The following SLC39A11 variants were observed in gnomAD, a reference collection of about 807,000 sequenced individuals.
The protein encoded by SLC39A11 is solute carrier family 39 member 11.
In SLC39A11, 33 loss-of-function variants were observed where a neutral mutation model predicts 36.1. That is an observed-to-expected ratio of 0.91 (90% CI 0.69 to 1.22). The LOEUF is 1.22. Among genes scored for constraint, SLC39A11 ranks in the 50% most tolerant of loss-of-function variants. SLC39A11 has a pLI of 0.00. For missense variants in SLC39A11, 432 were observed against 430.3 expected (o/e 1.00, Z -0.03); for synonymous variants, 166 against 170.3 (o/e 0.97, Z 0.20).
chr17:72,888,228 A>AT (rs1428515437), intron 5 of SLC39A11, among the ~76,000 whole-genome samples: 2 of 152,216 alleles, frequency 1.3e-5, no homozygotes, highest in African/African-American at 4.8e-5. Context: ...TTTGTTCCAC[A>AT]TTTTAAGCTC....
chr17:72,768,169 T>C (rs886150327), intron 6 of SLC39A11, among the ~76,000 whole-genome samples: 3 of 152,180 alleles, frequency 2.0e-5, no homozygotes, highest in Non-Finnish European at 4.4e-5. Flanking sequence ...CAATCTGCAA[T>C]AGTGGTGTTA....
At chr17:72,788,956 A>G (rs1201055961) in intron 6 of SLC39A11, among the ~76,000 whole-genome samples, 3 of 152,174 alleles carry the variant, frequency 2.0e-5, no homozygotes, top group Non-Finnish European at 4.4e-5. Context: ...TTTTGTCTGC[A>G]TGAATGTTAT....
intron 5 of SLC39A11, among the ~76,000 whole-genome samples, chr17:72,850,324 T>C (rs2079248156): frequency 6.6e-6 from 1 of 151,178 alleles, no homozygotes; most frequent in Non-Finnish European, 1.5e-5. Flanking sequence ...CGTGGTGGTA[T>C]GCACCTGCAG....
intron 6 of SLC39A11, chr17:72,818,895 T>A (rs2077671806): frequency 6.6e-6 from 1 of 152,242 alleles, no homozygotes; most frequent in Non-Finnish European, 1.5e-5. Context: ...AGAAAGCTAC[T>A]ACATTCTACA....
intron 5 of SLC39A11, among the ~76,000 whole-genome samples, chr17:72,889,832 T>C (rs1223875406): frequency 6.6e-6 from 1 of 152,148 alleles, no homozygotes; most frequent in Non-Finnish European, 1.5e-5. Flanking sequence ...GGAGTATTAG[T>C]GATTTGCACT....
At chr17:72,744,444 T>C (rs1031249731) in intron 6 of SLC39A11, among the ~76,000 whole-genome samples, 3 of 152,242 alleles carry the variant, frequency 2.0e-5, no homozygotes, top group Admixed American at 6.5e-5. Flanking sequence ...AATTAAACTC[T>C]TATATTAATA....
intron 5 of SLC39A11, among the ~76,000 whole-genome samples, chr17:72,922,961 A>C (rs111747717): frequency 0.019 from 792 of 40,618 alleles, 21 homozygotes; most frequent in African/African-American, 0.079. Context: ...ACTCCTTCTC[A>C]AAAAAAAAAA....
chr17:72,837,624 A>C (rs905571148), intron 6 of SLC39A11, among the ~76,000 whole-genome samples: 3 of 152,222 alleles, frequency 2.0e-5, no homozygotes, highest in Non-Finnish European at 4.4e-5. Context: ...ACACCCAAAA[A>C]AGTAAAAACA....
At chr17:72,855,390 C>T (rs2079584301) in intron 5 of SLC39A11, among the ~76,000 whole-genome samples, 1 of 152,080 alleles carries the variant, frequency 6.6e-6, no homozygotes, top group African/African-American at 2.4e-5. Context: ...AGAACACTAG[C>T]CAAGAGAGCT....
chr17:72,840,712 G>A (rs906212157), intron 6 of SLC39A11, among the ~76,000 whole-genome samples: 16 of 151,822 alleles, frequency 1.1e-4, no homozygotes, highest in Admixed American at 2.0e-4. Flanking sequence ...AGCTGAGATC[G>A]CGCCACTGCA....
chr17:72,756,309 G>A (rs984760846), intron 6 of SLC39A11, among the ~76,000 whole-genome samples: 1 of 152,192 alleles, frequency 6.6e-6, no homozygotes, highest in African/African-American at 2.4e-5. Context: ...TGAAAGCAGG[G>A]TCTCAAAGAG....
At chr17:72,718,849 T>C (rs1351765246) in intron 7 of SLC39A11, among the ~76,000 whole-genome samples, 1 of 152,134 alleles carries the variant, frequency 6.6e-6, no homozygotes, top group Non-Finnish European at 1.5e-5. Flanking sequence ...AAGTAAGTCT[T>C]GAACTCCTGG....
At position 72,923,674 on chromosome 17, in the gene SLC39A11, T is replaced by C. The variant is rs113286062; in HGVS notation, c.430+24078A>G. Among the ~76,000 whole-genome samples, 849 of 152,242 alleles carry C rather than the reference T, an allele frequency of 5.6e-3. 8 individuals are homozygous for C. Among genetic ancestry groups the C allele is most frequent in the African/African-American group, 0.019 (782 of 41,550 alleles). On this transcript the variant is annotated intron_variant, in intron 5 of 9. Transcript: ENST00000255559. ...GGTGACAAGGTCGCAAAACAGAACA[T>C]TGCTAGGGGGATTTGGTTACTATTA...
chr17:72,699,293 G>A (rs2072492084), intron 7 of SLC39A11, among the ~76,000 whole-genome samples: 1 of 152,242 alleles, frequency 6.6e-6, no homozygotes, highest in South Asian at 2.1e-4. Context: ...ATTTTGCAAA[G>A]AAATCTCATA....
intron 5 of SLC39A11, among the ~76,000 whole-genome samples, chr17:72,893,438 C>T (rs993818199): frequency 1.4e-4 from 21 of 151,412 alleles, no homozygotes; most frequent in Admixed American, 4.6e-4. Flanking sequence ...CCAGCCTGGG[C>T]GACACAGCAA....
intron 6 of SLC39A11, among the ~76,000 whole-genome samples, chr17:72,791,664 G>A (rs929223774): frequency 1.3e-5 from 2 of 152,254 alleles, no homozygotes; most frequent in Middle Eastern, 3.4e-3. Context: ...ATCTTGAATT[G>A]TAATCCCCAT....
chr17:72,855,600 C>T (rs1020901327), intron 5 of SLC39A11, among the ~76,000 whole-genome samples: 1 of 151,850 alleles, frequency 6.6e-6, no homozygotes, highest in Non-Finnish European at 1.5e-5. Flanking sequence ...AAAGGCCAAT[C>T]AAAAGCAGAA....
chr17:72,717,591 G>C (rs180676295), intron 7 of SLC39A11, among the ~76,000 whole-genome samples: 2 of 152,336 alleles, frequency 1.3e-5, no homozygotes, highest in Non-Finnish European at 2.9e-5. Context: ...CTCTCCGCAT[G>C]TGTCATCCCT....
rs906044878 is a variant in SLC39A11 at position 72,822,268 on chromosome 17, AAT to A, written c.601+27364_601+27365del. On this transcript the variant is annotated intron_variant, in intron 6 of 9. Coordinates refer to ENST00000255559, the MANE Select transcript of SLC39A11 (RefSeq NM_139177.4). ...ATACTATATATATATAGAGAGAGAG[AAT>A]ATATATAGAGAGAGATTATATATAT... 5.4e-5 allele frequency among the ~76,000 whole-genome samples: 8 copies of A among 147,586 alleles called. 1 individual carries two copies. Among genetic ancestry groups the A allele is most frequent in the Non-Finnish European group, 1.2e-4 (8 of 66,750 alleles).
Sources: gnomAD v4.1 joint callset for allele counts (sites outside exome capture counted in the v4.1 genomes callset) on GRCh38, gnomAD v4.1.1 for gene constraint, MANE v1.5 for transcripts, NCBI Gene and HGNC (gene_info 2026-07-23, HGNC 2026-07-21) for gene names.